The following TRIM14 variants were observed in gnomAD, a reference collection of about 807,000 sequenced individuals.
TRIM14 encodes tripartite motif containing 14.
A neutral mutation model predicts 44.5 loss-of-function variants in TRIM14; 28 were observed. That is an observed-to-expected ratio of 0.63 (90% CI 0.47 to 0.86). TRIM14 has a LOEUF of 0.86. TRIM14 is among the 40% of genes least tolerant of loss of function. The probability of loss-of-function intolerance (pLI) is 0.00; values close to 1 mark genes in which losing one functional copy is unlikely to be tolerated. For synonymous variants in TRIM14, 299 were observed against 269.2 expected (o/e 1.11, Z -1.08); for missense variants, 607 against 611.1 (o/e 0.99, Z 0.07).
the TRIM14 span, among the ~76,000 whole-genome samples, chr9:98,063,276 CTG>C: frequency 6.6e-6 from 1 of 151,856 alleles, no homozygotes; most frequent in Non-Finnish European, 1.5e-5. Flanking sequence ...CAGAGTCTCA[CTG>C]TCTCCCAGGC....
At chr9:98,056,705 T>A in the TRIM14 span, 1 of 1,463,178 alleles carries the variant, frequency 6.8e-7, no homozygotes, top group Non-Finnish European at 9.1e-7. Context: ...GTGGCGGGGC[T>A]GGCGTGTGGG....
chr9:98,099,172 G>T (rs1462999376), intron 3 of TRIM14, among the ~76,000 whole-genome samples: 1 of 152,080 alleles, frequency 6.6e-6, no homozygotes, highest in African/African-American at 2.4e-5. Context: ...ATAAAGGCAG[G>T]CTGATTGCGG....
At chr9:98,049,338 C>CAA in the TRIM14 span, among the ~76,000 whole-genome samples, 8 of 38,556 alleles carry the variant, frequency 2.1e-4, 1 homozygote, top group African/African-American at 3.2e-4. Flanking sequence ...TGAGACTCTG[C>CAA]ATAAAAAAAA....
At chr9:98,049,325 G>A in the TRIM14 span, among the ~76,000 whole-genome samples, 9 of 107,208 alleles carry the variant, frequency 8.4e-5, no homozygotes, top group African/African-American at 3.4e-4. Flanking sequence ...CTGGGCAACA[G>A]AGTGAGACTC....
intron 2 of TRIM14, among the ~76,000 whole-genome samples, chr9:98,101,078 C>T (rs1027501418): frequency 2.4e-4 from 36 of 152,176 alleles, no homozygotes; most frequent in African/African-American, 6.8e-4. Context: ...CAGGTTCAAG[C>T]GATTCTCCTG....
chr9:98,046,432 T>G, the TRIM14 span, among the ~76,000 whole-genome samples: 1 of 151,592 alleles, frequency 6.6e-6, no homozygotes, highest in Admixed American at 6.6e-5. Flanking sequence ...TGCAGAAGAG[T>G]TTTTTTGTTT....
chr9:98,060,922 C>T, the TRIM14 span: 7 of 1,614,178 alleles, frequency 4.3e-6, no homozygotes, highest in East Asian at 4.5e-5. Context: ...TGGAGTTCAG[C>T]CATGACCAGT....
At chr9:98,038,835 G>C in the TRIM14 span, among the ~76,000 whole-genome samples, 1 of 152,066 alleles carries the variant, frequency 6.6e-6, no homozygotes, top group African/African-American at 2.4e-5. Context: ...CGGATTATGA[G>C]GTCAGGAGTC....
At chr9:98,053,870 G>T in the TRIM14 span, among the ~76,000 whole-genome samples, 1 of 151,776 alleles carries the variant, frequency 6.6e-6, no homozygotes, top group African/African-American at 2.4e-5. Flanking sequence ...CATAGGCAAA[G>T]CTTCTCAACT....
At chr9:98,074,285 CAG>C (rs1479126078) in intron 6 of TRIM14, among the ~76,000 whole-genome samples, 1 of 152,168 alleles carries the variant, frequency 6.6e-6, no homozygotes, top group Admixed American at 6.5e-5. Flanking sequence ...GAGCTCCCTT[CAG>C]ACTCCCACAG....
chr9:98,098,923 C>A (rs1158690085), intron 3 of TRIM14, among the ~76,000 whole-genome samples: 1 of 152,042 alleles, frequency 6.6e-6, no homozygotes, highest in Non-Finnish European at 1.5e-5. Context: ...AGGTGCACGC[C>A]ATCACGCCTG....
chr9:98,105,831 G>T (rs897774777), intron 2 of TRIM14, among the ~76,000 whole-genome samples: 1 of 152,140 alleles, frequency 6.6e-6, no homozygotes, highest in African/African-American at 2.4e-5. Flanking sequence ...GATCCACAAA[G>T]AGCTGCTCCA....
intron 4 of TRIM14, among the ~76,000 whole-genome samples, chr9:98,094,521 G>A (rs1054742289): frequency 2.0e-5 from 3 of 152,194 alleles, no homozygotes; most frequent in African/African-American, 7.2e-5. Flanking sequence ...AGTCTGCCTC[G>A]AAGGGGTGCC....
Position 98,094,863 on chromosome 9 carries a change from T to TTA in TRIM14, c.700+2_700+3dup. On this transcript the variant is annotated splice_donor_region_variant and intron_variant, in intron 4 of 5. Transcript: ENST00000341469. ...GACACAAAGTTGGTCACTCGGCGAC[T>TTA]TACTTTCCTTAAGGCGAATGTCCAA... 6.2e-7 allele frequency: 1 copy of TTA among 1,613,100 alleles called. No homozygotes were observed. The highest frequency in any genetic ancestry group is 8.5e-7 in the Non-Finnish European group (1 of 1,179,364).
intron 2 of TRIM14, among the ~76,000 whole-genome samples, chr9:98,109,008 G>A (rs1187104423): frequency 6.6e-6 from 1 of 151,142 alleles, no homozygotes; most frequent in East Asian, 2.0e-4. Flanking sequence ...CTCTGAAACA[G>A]CTGGGACTGC....
At chr9:98,041,976 C>A in the TRIM14 span, among the ~76,000 whole-genome samples, 1 of 151,668 alleles carries the variant, frequency 6.6e-6, no homozygotes, top group Non-Finnish European at 1.5e-5. Flanking sequence ...AGCCACCGCG[C>A]CTGGCCTAAG....
chr9:98,044,368 CTTTTTTTT>C, the TRIM14 span, among the ~76,000 whole-genome samples: 28 of 110,504 alleles, frequency 2.5e-4, no homozygotes, highest in Non-Finnish European at 4.3e-4. Context: ...TGCCCTTTCT[CTTTTTTTT>C]TTTTTTTTTT....
At chr9:98,107,778 C>T (rs906491843) in intron 2 of TRIM14, among the ~76,000 whole-genome samples, 1 of 151,978 alleles carries the variant, frequency 6.6e-6, no homozygotes, top group African/African-American at 2.4e-5. Flanking sequence ...GCGATCCTCC[C>T]ACCTCAGCCT....
chr9:98,037,518 G>A, the TRIM14 span, among the ~76,000 whole-genome samples: 16 of 152,218 alleles, frequency 1.1e-4, no homozygotes, highest in African/African-American at 3.6e-4. Flanking sequence ...GCCAGGCAAG[G>A]CTCAGTGTGG....
Sources: gnomAD v4.1 joint callset for allele counts (sites outside exome capture counted in the v4.1 genomes callset) on GRCh38, gnomAD v4.1.1 for gene constraint, MANE v1.5 for transcripts, NCBI Gene and HGNC (gene_info 2026-07-23, HGNC 2026-07-21) for gene names.